The following VSTM2A variants were observed in gnomAD, a reference collection of about 807,000 sequenced individuals.
VSTM2A encodes V-set and transmembrane domain-containing protein 2A.
Under a neutral mutation model 27.3 loss-of-function variants are expected in VSTM2A, and 13 were observed. The ratio of observed to expected loss-of-function variants is 0.48; its 90% CI spans 0.31 to 0.76. The LOEUF (loss-of-function observed/expected upper bound fraction) is 0.76. VSTM2A is among the 30% of genes least tolerant of loss of function. The pLI is 0.05. For synonymous variants in VSTM2A, 142 were observed against 125.7 expected (o/e 1.13, Z -0.87); for missense variants, 280 against 310.0 (o/e 0.90, Z 0.73).
chr7:54,551,685 T>C (rs1289516267), intron 4 of VSTM2A: 1 of 152,196 alleles, frequency 6.6e-6, no homozygotes, highest in Non-Finnish European at 1.5e-5. Context: ...TTGAGGAAGA[T>C]TTAATGTCTT....
At chr7:54,566,295 G>A (rs1023391290) in intron 4 of VSTM2A, among the ~76,000 whole-genome samples, 6 of 152,180 alleles carry the variant, frequency 3.9e-5, no homozygotes, top group African/African-American at 1.2e-4. Flanking sequence ...AGCATTTTAT[G>A]TTGGGGGTAA....
intron 2 of VSTM2A, among the ~76,000 whole-genome samples, chr7:54,546,441 G>A (rs1354133037): frequency 6.6e-6 from 1 of 151,908 alleles, no homozygotes; most frequent in Non-Finnish European, 1.5e-5. Context: ...CGCGGGGCGG[G>A]ACGGCAGGCG....
At chr7:54,566,103 G>A (rs2115938308) in intron 4 of VSTM2A, among the ~76,000 whole-genome samples, 1 of 152,280 alleles carries the variant, frequency 6.6e-6, no homozygotes, top group South Asian at 2.1e-4. Context: ...AAATCTTCAA[G>A]CATAAAAACA....
intron 4 of VSTM2A, chr7:54,554,198 TC>T (rs1788280793): frequency 1.4e-6 from 2 of 1,437,576 alleles, no homozygotes; most frequent in East Asian, 5.0e-5. Flanking sequence ...TCTCCCTCGA[TC>T]ACTCCTTCCT....
intron 3 of VSTM2A, among the ~76,000 whole-genome samples, chr7:54,548,213 A>C (rs1020178331): frequency 2.0e-5 from 3 of 152,224 alleles, no homozygotes; most frequent in Non-Finnish European, 4.4e-5. Context: ...AATAGTCTTC[A>C]TACATCCTGA....
chr7:54,568,710 G>A (rs1331398905), intron 4 of VSTM2A, among the ~76,000 whole-genome samples: 1 of 152,026 alleles, frequency 6.6e-6, no homozygotes, highest in Non-Finnish European at 1.5e-5. Flanking sequence ...AGAACCAGAT[G>A]ACTTCAGGGA....
intron 1 of VSTM2A, among the ~76,000 whole-genome samples, chr7:54,544,328 T>A (rs1156433196): frequency 6.6e-6 from 1 of 152,242 alleles, no homozygotes; most frequent in African/African-American, 2.4e-5. Flanking sequence ...TACTGCAATC[T>A]GACAAAAGGT....
chr7:54,546,724 G>A (rs1032513110), intron 2 of VSTM2A: 1 of 515,654 alleles, frequency 1.9e-6, no homozygotes, highest in Non-Finnish European at 3.4e-6. Context: ...CGGGGAAAGC[G>A]CGGGGACGGC....
chr7:54,560,096 C>A (rs563853420), intron 4 of VSTM2A: 1 of 151,832 alleles, frequency 6.6e-6, no homozygotes, highest in African/African-American at 2.4e-5. Flanking sequence ...AAATGGTAAA[C>A]AGTTGTCTCA....
intron 2 of VSTM2A, among the ~76,000 whole-genome samples, chr7:54,545,831 A>G (rs1270253593): frequency 1.1e-5 from 1 of 89,502 alleles, no homozygotes; most frequent in Admixed American, 1.3e-4. Flanking sequence ...GACAGAGAGA[A>G]GGGGAGGGGG....
chr7:54,549,367 G>A (rs1187733189), intron 3 of VSTM2A, among the ~76,000 whole-genome samples: 1 of 152,226 alleles, frequency 6.6e-6, no homozygotes, highest in African/African-American at 2.4e-5. Flanking sequence ...GGGGATACAA[G>A]TGCATTCTCA....
intron 4 of VSTM2A, among the ~76,000 whole-genome samples, chr7:54,566,912 T>C (rs1788742794): frequency 6.6e-6 from 1 of 152,202 alleles, no homozygotes; most frequent in Non-Finnish European, 1.5e-5. Context: ...TTCCATACAA[T>C]AAACCATAAC....
rs1318397691 is a variant in VSTM2A, at chr7:54,544,737, C to T, written c.195C>T (p.Phe65=). 1 of 1,612,284 alleles carries T rather than the reference C, an allele frequency of 6.2e-7. No individual in the cohort carries two copies. Among genetic ancestry groups the T allele is most frequent in the East Asian group, 2.2e-5 (1 of 44,840 alleles). The stretch of plus-strand genomic sequence containing the variant: ...TGTATCTGGAGATCCAATGGTGGTT[C>T]CTGCGGGGGCCGGAGGACCTGGATC... The part of the protein sequence containing the change: ...ASVYLEIQWW[F]LRGPEDLDPG... Residue 65 remains phenylalanine, a synonymous_variant, in exon 2 of 5, where the codon TTC becomes TTT. Transcript: ENST00000402613.
rs181698559 is a variant in VSTM2A, at chr7:54,569,268, A to G, written c.*49A>G. 6.5e-7 allele frequency: 1 copy of G among 1,548,664 alleles called. No individual in the cohort carries two copies. Among genetic ancestry groups the G allele is most frequent in the Non-Finnish European group, 8.7e-7 (1 of 1,145,788 alleles). On this transcript the variant is annotated 3_prime_UTR_variant, in exon 5 of 5. Transcript: ENST00000402613. Reference sequence around the variant, plus strand: ...TTCCGGAAGCATAAATGAAGAGGCTATCACATGCTTTGTTGATCATATTTT... The same window carrying G: ...TTCCGGAAGCATAAATGAAGAGGCTGTCACATGCTTTGTTGATCATATTTT...
intron 4 of VSTM2A, chr7:54,568,891 A>C: frequency 9.1e-7 from 1 of 1,093,430 alleles, no homozygotes; most frequent in Non-Finnish European, 1.3e-6. Flanking sequence ...GACATTCATG[A>C]GCACCAGAGC....
chr7:54,550,237 A>G, intron 4 of VSTM2A, 67 bp downstream of exon 4: 3 of 1,549,116 alleles, frequency 1.9e-6, no homozygotes, highest in South Asian at 2.4e-5. Flanking sequence ...GGTCAGTCGT[A>G]TAGAGTAGAC....
chr7:54,554,566 C>T (rs1353223330), intron 4 of VSTM2A, among the ~76,000 whole-genome samples: 2 of 152,242 alleles, frequency 1.3e-5, no homozygotes, highest in Non-Finnish European at 2.9e-5. Flanking sequence ...TTCCCCTGAG[C>T]ATAGGCTGGC....
intron 3 of VSTM2A, among the ~76,000 whole-genome samples, chr7:54,549,181 A>G (rs373713756): frequency 2.0e-5 from 3 of 152,256 alleles, no homozygotes; most frequent in Admixed American, 6.5e-5. Context: ...CCTGTAGTAT[A>G]AAGTCCCTAT....
rs1788853631 is a variant in VSTM2A, at chr7:54,570,339, G to A, written c.*1120G>A. Reference sequence around the variant, plus strand: ...AGGAGGCGAATGTGGGGAAGGTGAAGCACTCACCATAATTCCCTAAATTCA... The same window carrying A: ...AGGAGGCGAATGTGGGGAAGGTGAAACACTCACCATAATTCCCTAAATTCA... On this transcript the variant is annotated 3_prime_UTR_variant, in exon 5 of 5. Transcript: ENST00000402613. 6.6e-6 allele frequency: 1 copy of A among 152,150 alleles called. No homozygotes were observed. Among genetic ancestry groups the A allele is most frequent in the Non-Finnish European group, 1.5e-5 (1 of 68,034 alleles). The allele number at this position is 152,150 out of a possible 1,614,324, so 9.4% of individuals were successfully genotyped here. A position where few individuals can be genotyped will look rare whatever the true frequency, so the allele number is the denominator to read the frequency against.
Sources: allele counts gnomAD v4.1 joint callset (sites outside exome capture counted in the v4.1 genomes callset), GRCh38; gene constraint gnomAD v4.1.1; transcripts MANE v1.5; gene names NCBI Gene and HGNC (gene_info 2026-07-23, HGNC 2026-07-21).